TAF1: variants seen among roughly 807,000 people sequenced by gnomAD.
TAF1 encodes transcription initiation factor TFIID subunit 1.
A neutral mutation model predicts 138.5 loss-of-function variants in TAF1; 2 were observed. That is an observed-to-expected ratio of 0.01 (90% CI 0.01 to 0.05). TAF1 has a LOEUF of 0.05. TAF1 is among the 10% of genes least tolerant of loss of function. TAF1 has a pLI of 1.00. For missense variants in TAF1, 709 were observed against 1,478.0 expected (o/e 0.48, Z 8.53); for synonymous variants, 437 against 503.2 (o/e 0.87, Z 1.76).
At chrX:71,480,645 G>C (rs1467228112) in intron 13 of TAF1, among the ~76,000 whole-genome samples, 1 of 111,804 alleles carries the variant, frequency 8.9e-6, no homozygotes, top group African/African-American at 3.2e-5. Context: ...TTTCATGGAG[G>C]TGGAGAGAGG....
chrX:71,366,761 A>AT (rs2032534712), intron 1 of TAF1, among the ~76,000 whole-genome samples: 2 of 111,354 alleles, frequency 1.8e-5, no homozygotes, highest in Admixed American at 1.9e-4. Flanking sequence ...CCGACCAGAC[A>AT]GTAGGACACA....
In TAF1 at chrX:71,382,862, T is replaced by C; in HGVS notation, c.1767T>C (p.Ile589=). ...TTCGAGGCACCTTTGGAGGGAATAT[T>C]ATCCAGGTACAAATAGTGTCTTTTC... ...QGLRGTFGGN[I]IQHSIPAVEL... The change falls in exon 11 of 38, where the codon ATT becomes ATC. Residue 589 remains isoleucine, a synonymous_variant. Coordinates refer to ENST00000423759, the MANE Select transcript of TAF1 (RefSeq NM_004606.5). 2 of 1,206,183 alleles carry C rather than the reference T, an allele frequency of 1.7e-6. No homozygotes were observed. The highest frequency in any genetic ancestry group is 2.2e-6 in the Non-Finnish European group (2 of 892,641).
chrX:71,406,830 G>GATTC, intron 26 of TAF1, 84 bp downstream of exon 26: 1 of 741,292 alleles, frequency 1.3e-6, no homozygotes, highest in Non-Finnish European at 2.0e-6. Flanking sequence ...GACAGCCTTA[G>GATTC]ATTCTCCAGT....
chrX:71,378,868 T>G lies in TAF1; in HGVS notation c.1197T>G (p.Ala399=). The G allele has an allele frequency of 8.3e-7, 1 of 1,211,723 alleles. No individual in the cohort carries two copies. Among genetic ancestry groups the G allele is most frequent in the South Asian group, 1.8e-5 (1 of 57,012 alleles). Residue 399 remains alanine, a synonymous_variant, in exon 8 of 38, where the codon GCT becomes GCG. Coordinates refer to ENST00000423759, the MANE Select transcript of TAF1 (RefSeq NM_004606.5). The part of the protein sequence containing the change: ...LEENNGTDLL[A]DENFLMVTQL... ...AAAACAATGGCACTGATCTTCTGGC[T>G]GATGAAAACTTCCTGATGGTGACAC...
chrX:71,453,983 C>T (rs1388900568), intron 32 of TAF1, among the ~76,000 whole-genome samples, 187 bp from the exon 33 acceptor site: 7 of 111,639 alleles, frequency 6.3e-5, no homozygotes, highest in Non-Finnish European at 1.1e-4. Flanking sequence ...ACATGGGAGT[C>T]CATTATGTTA....
intron 9 of TAF1, among the ~76,000 whole-genome samples, 184 bp from the exon 10 acceptor site, chrX:71,382,352 A>G (rs1569282192): frequency 9.2e-6 from 1 of 108,268 alleles, no homozygotes; most frequent in Non-Finnish European, 1.9e-5. Context: ...GGATGAAAAG[A>G]TACAGGTGTA....
chrX:71,504,741 C>CAAAAAAA lies in TAF1; in HGVS notation c.1367-23775_1367-23769dup, dbSNP rs41370846. Among the ~76,000 whole-genome samples, 22 of 5,710 alleles carry CAAAAAAA rather than the reference C, an allele frequency of 3.9e-3. 1 individual carries two copies. Among genetic ancestry groups the CAAAAAAA allele is most frequent in the African/African-American group, 7.4e-3 (14 of 1,883 alleles). 5.0% of individuals were successfully genotyped at this position (5,710 alleles called of 115,157 possible). The stretch of plus-strand genomic sequence containing the variant: ...TGGGTGACAGAATGAGACCCTGTCT[C>CAAAAAAA]AAAAAAAAAAAAAAAAAAAAAAAAA... On this transcript the variant is annotated intron_variant and NMD_transcript_variant, in intron 13 of 14. Coordinates refer to the TAF1 transcript ENST00000373775.
At chrX:71,474,258 G>A (rs988728958) in intron 13 of TAF1, among the ~76,000 whole-genome samples, 8 of 111,921 alleles carry the variant, frequency 7.1e-5, no homozygotes, top group African/African-American at 2.6e-4. Flanking sequence ...AGAATTTTAC[G>A]CAGGTGAAGG....
At chrX:71,423,048 CCTTAA>C (rs768679729) in intron 29 of TAF1, 64 bp from the exon 30 acceptor site, 13 of 1,189,041 alleles carry the variant, frequency 1.1e-5, no homozygotes, top group Non-Finnish European at 1.4e-5. Flanking sequence ...GGCAAATTGT[CCTTAA>C]CTTTTCTATG....
intron 32 of TAF1, among the ~76,000 whole-genome samples, chrX:71,429,088 A>G (rs2036743579): frequency 9.0e-6 from 1 of 110,975 alleles, no homozygotes; most frequent in Non-Finnish European, 1.9e-5. Flanking sequence ...ATTCTGGCTG[A>G]CACAGTGAAA....
In TAF1 at chrX:71,379,027, G is replaced by A; in HGVS notation, c.1356G>A (p.Gln452=). ...MTRNAMAYNV[Q]QGFAATLDDD... ...GGAATGCGATGGCTTACAATGTTCA[G>A]CAAGGTGTGCTTCTGTGCCAGCTGT... The change falls in exon 8 of 38, where the codon CAG becomes CAA. Residue 452 remains glutamine (Q), a synonymous_variant. Transcript: ENST00000423759. 8.3e-7 allele frequency: 1 copy of A among 1,207,748 alleles called. No homozygotes were observed.
rs1447245481 is a variant in TAF1 at position 71,477,219 on chromosome X, A to G, written c.1366+16416A>G. The stretch of plus-strand genomic sequence containing the variant: ...CTCCCAAAGTGCTGGGATTACAGGC[A>G]TGATCCACTGTGCCTGGCCAAAATT... On this transcript the variant is annotated intron_variant and NMD_transcript_variant, in intron 13 of 14. Coordinates refer to the TAF1 transcript ENST00000373775. Among the ~76,000 whole-genome samples the G allele has an allele frequency of 6.3e-5, 7 of 111,486 alleles. No homozygotes were observed. In the Admixed American group the frequency reaches 6.7e-4, roughly 11 times the overall value.
In TAF1 at chrX:71,367,527, G is replaced by C. The variant is rs2032642763; in HGVS notation, c.149G>C (p.Gly50Ala). ...DECKKHLAGLGALGLGSLITE... is the reference protein window; with the variant it reads ...DECKKHLAGLAALGLGSLITE... ...TGTAAGAAGCACTTGGCAGGCTTGG[G>C]GGCTTTGGGGCTGGGCAGCCTGATC... The change falls in exon 2 of 38, where the codon GGG (glycine) becomes GCG (alanine). Residue 50 changes from glycine (G) to alanine (A), a missense_variant. By Grantham distance (60) the Gly-to-Ala change is moderately conservative. Transcript: ENST00000423759. 1 of 1,209,725 alleles carries C rather than the reference G, an allele frequency of 8.3e-7. No individual in the cohort carries two copies. Among genetic ancestry groups the C allele is most frequent in the Non-Finnish European group, 1.1e-6 (1 of 895,219 alleles).
intron 37 of TAF1, among the ~76,000 whole-genome samples, chrX:71,462,328 A>C (rs1300336919): frequency 9.0e-6 from 1 of 111,723 alleles, no homozygotes; most frequent in Non-Finnish European, 1.9e-5. Context: ...CTAAAATCCC[A>C]GCACTTTGGG....
intron 14 of TAF1, 192 bp from the exon 15 acceptor site, chrX:71,387,069 C>G: frequency 6.6e-6 from 3 of 451,346 alleles, no homozygotes; most frequent in Non-Finnish European, 7.5e-6. Flanking sequence ...CCTACTGACT[C>G]TGAAAGATAG....
At chrX:71,453,412 CAAAG>C (rs1383039686) in intron 32 of TAF1, among the ~76,000 whole-genome samples, 8 of 81,958 alleles carry the variant, frequency 9.8e-5, no homozygotes, top group African/African-American at 3.1e-4. Flanking sequence ...TCTCTACAAA[CAAAG>C]AAAAATGGGC....
chrX:71,469,543 A>G (rs767852345), downstream of TAF1, among the ~76,000 whole-genome samples: 52 of 107,660 alleles, frequency 4.8e-4, no homozygotes, highest in African/African-American at 1.6e-3. Flanking sequence ...TAATGAAAAA[A>G]TTAGTAGCCA....
At chrX:71,379,114 T>A in intron 8 of TAF1, 83 bp downstream of exon 8, 1 of 957,759 alleles carries the variant, frequency 1.0e-6, no homozygotes, top group South Asian at 2.5e-5. Flanking sequence ...GATTTTTTTT[T>A]TTTTTTTTTT....
At chrX:71,453,796 G>T (rs1349694833) in intron 32 of TAF1, among the ~76,000 whole-genome samples, 1 of 111,329 alleles carries the variant, frequency 9.0e-6, no homozygotes, top group Non-Finnish European at 1.9e-5. Flanking sequence ...TTAAGGCCAG[G>T]AGTTCAAGAG....
Sources: allele counts gnomAD v4.1 joint callset (sites outside exome capture counted in the v4.1 genomes callset), GRCh38; gene constraint gnomAD v4.1.1; transcripts MANE v1.5; gene names NCBI Gene and HGNC (gene_info 2026-07-23, HGNC 2026-07-21).